The following OSBPL10 variants were observed in gnomAD, a reference collection of about 807,000 sequenced individuals.
OSBPL10 encodes oxysterol-binding protein-related protein 10.
OSBPL10 carries 49 observed loss-of-function variants against 81.7 expected under a neutral mutation model. That is an observed-to-expected ratio of 0.60 (90% CI 0.48 to 0.76). OSBPL10 has a LOEUF of 0.76. OSBPL10 is among the 30% of genes least tolerant of loss of function. OSBPL10 has a pLI of 0.00. For synonymous variants in OSBPL10, 419 were observed against 383.6 expected (o/e 1.09, Z -1.08); for missense variants, 923 against 987.8 (o/e 0.93, Z 0.88).
chr3:31,974,078 C>T (rs1698634081), intron 1 of OSBPL10, among the ~76,000 whole-genome samples: 1 of 152,032 alleles, frequency 6.6e-6, no homozygotes, highest in South Asian at 2.1e-4. Flanking sequence ...ATAAACATCT[C>T]GTAAAAGTCA....
chr3:32,026,159 A>G (rs1699411496), intron 2 of OSBPL10, among the ~76,000 whole-genome samples: 1 of 151,728 alleles, frequency 6.6e-6, no homozygotes, highest in Non-Finnish European at 1.5e-5. Flanking sequence ...TTTTTTTGAG[A>G]CAGGATCCCA....
At chr3:31,991,010 A>G in intron 2 of OSBPL10, 1 of 1,528,838 alleles carries the variant, frequency 6.5e-7, no homozygotes, top group Non-Finnish European at 8.8e-7. Flanking sequence ...CAGAAAATTC[A>G]TTCCTGAGAT....
At chr3:31,854,789 G>A (rs1700867245) in intron 3 of OSBPL10, among the ~76,000 whole-genome samples, 2 of 152,088 alleles carry the variant, frequency 1.3e-5, no homozygotes, top group South Asian at 2.1e-4. Flanking sequence ...ACGAATAAAT[G>A]AATGAAACTT....
chr3:31,845,501 T>C (rs918107535), intron 3 of OSBPL10, among the ~76,000 whole-genome samples: 1 of 152,230 alleles, frequency 6.6e-6, no homozygotes, highest in African/African-American at 2.4e-5. Context: ...CACATTTTAT[T>C]ATGTGCAATT....
chr3:31,668,851 C>G, intron 9 of OSBPL10, 27 bp from the exon 10 acceptor site: 2 of 1,516,060 alleles, frequency 1.3e-6, no homozygotes, highest in Non-Finnish European at 1.8e-6. Context: ...AATGAGTACA[C>G]ACTTTTCAAA....
At chr3:31,919,281 C>T (rs1696846273) in intron 1 of OSBPL10, 1 of 152,194 alleles carries the variant, frequency 6.6e-6, no homozygotes, top group Non-Finnish European at 1.5e-5. Flanking sequence ...CAGCACTCCG[C>T]AGAGGAAAAG....
At chr3:31,943,345 T>C (rs1697589875) in intron 1 of OSBPL10, among the ~76,000 whole-genome samples, 1 of 152,234 alleles carries the variant, frequency 6.6e-6, no homozygotes, top group South Asian at 2.1e-4. Flanking sequence ...TTTGAGTCAC[T>C]GCTTTCAATT....
chr3:32,051,013 T>C (rs529907698), intron 1 of OSBPL10, among the ~76,000 whole-genome samples: 10 of 152,318 alleles, frequency 6.6e-5, no homozygotes, highest in African/African-American at 2.2e-4. Context: ...TAATTAAAAG[T>C]GGATATCCAA....
At chr3:31,842,599 G>A (rs978201466) in intron 3 of OSBPL10, among the ~76,000 whole-genome samples, 1 of 152,212 alleles carries the variant, frequency 6.6e-6, no homozygotes, top group Non-Finnish European at 1.5e-5. Flanking sequence ...ACATGAAGAA[G>A]AAAATTAAAC....
chr3:31,931,713 G>A (rs72852915), intron 1 of OSBPL10, among the ~76,000 whole-genome samples: 7,381 of 152,296 alleles, frequency 0.048, 304 homozygotes, highest in African/African-American at 0.11. Context: ...TTAGAATGGT[G>A]TCTTGCACAT....
At chr3:32,068,847 C>CT (rs1333607875) in intron 1 of OSBPL10, among the ~76,000 whole-genome samples, 5 of 151,996 alleles carry the variant, frequency 3.3e-5, no homozygotes, top group Non-Finnish European at 5.9e-5. Flanking sequence ...GTGAATCTTC[C>CT]TTTTTTACTA....
intron 1 of OSBPL10, among the ~76,000 whole-genome samples, chr3:31,882,141 C>T (rs1200549216): frequency 6.6e-6 from 1 of 152,186 alleles, no homozygotes; most frequent in Non-Finnish European, 1.5e-5. Context: ...GGGAGCAAGT[C>T]GCAGCCATCT....
intron 4 of OSBPL10, among the ~76,000 whole-genome samples, chr3:31,783,128 T>C (rs1212794154): frequency 7.8e-6 from 1 of 128,478 alleles, no homozygotes; most frequent in African/African-American, 3.2e-5. Context: ...TATATATATA[T>C]ATATATATAT....
At chr3:31,698,191 T>C (rs149270387) in intron 7 of OSBPL10, among the ~76,000 whole-genome samples, 1 of 152,200 alleles carries the variant, frequency 6.6e-6, no homozygotes, top group Non-Finnish European at 1.5e-5. Context: ...GGCTCACGTC[T>C]GTAATACCAG....
chr3:31,879,585 C>T (rs1701567096), intron 2 of OSBPL10, 70 bp downstream of exon 2: 1 of 1,488,036 alleles, frequency 6.7e-7, no homozygotes, highest in Non-Finnish European at 9.0e-7. Flanking sequence ...AACAAAAAAT[C>T]AAAAAACAAG....
intron 6 of OSBPL10, among the ~76,000 whole-genome samples, chr3:31,723,151 A>G (rs1696702179): frequency 6.6e-6 from 1 of 152,212 alleles, no homozygotes; most frequent in Non-Finnish European, 1.5e-5. Flanking sequence ...AATAGAGAGA[A>G]CTTTATGTGA....
chr3:31,747,960 T>C lies in OSBPL10; in HGVS notation c.890A>G (p.Gln297Arg). Residue 297 changes from glutamine (Q) to arginine (R), a missense_variant, in exon 5 of 12, where the codon CAG becomes CGG. Physicochemically the swap from Gln to Arg is conservative, Grantham distance 43. Around this residue, in one of 3 missense-constraint regions of OSBPL10, gnomAD observed 514 missense variants for 508.0 expected, o/e 1.01. Transcript: ENST00000396556. ...SCLGECLNLL[Q>R]QSVHQAGQPS... ...CTGGCCCGCCTGGTGCACACTCTGC[T>C]GTAACAAGTTGAGGCACTCCCCAAG... The C allele has an allele frequency of 6.2e-7, 1 of 1,614,098 alleles. No individual in the cohort carries two copies. Among genetic ancestry groups the C allele is most frequent in the Non-Finnish European group, 8.5e-7 (1 of 1,180,026 alleles).
intron 9 of OSBPL10, 80 bp from the exon 10 acceptor site, chr3:31,668,904 AT>A (rs376063579): frequency 0.031 from 31,325 of 1,021,104 alleles, 3 homozygotes; most frequent in South Asian, 0.042. Context: ...ATCTCTAGAG[AT>A]TTTTTTTTTT....
chr3:31,874,335 T>C (rs1021736899), intron 3 of OSBPL10, among the ~76,000 whole-genome samples: 1 of 152,128 alleles, frequency 6.6e-6, no homozygotes, highest in Non-Finnish European at 1.5e-5. Flanking sequence ...CCTTTCTAAA[T>C]ATGATACAAA....
Sources: gnomAD v4.1 joint callset for allele counts (sites outside exome capture counted in the v4.1 genomes callset) on GRCh38, gnomAD v4.1.1 for gene constraint, gnomAD v4.1.1 regional missense constraint, MANE v1.5 for transcripts, NCBI Gene and HGNC (gene_info 2026-07-23, HGNC 2026-07-21) for gene names.